The following TSPAN8 variants were observed in gnomAD, a reference collection of about 807,000 sequenced individuals.
The protein encoded by TSPAN8 is tetraspanin-8.
TSPAN8 carries 21 observed loss-of-function variants against 32.8 expected under a neutral mutation model. That is an observed-to-expected ratio of 0.64 (90% CI 0.45 to 0.92). The LOEUF (loss-of-function observed/expected upper bound fraction) is 0.92. Ranked by LOEUF, TSPAN8 falls within the 40% of genes least tolerant of loss-of-function variation. The pLI, the probability that TSPAN8 is intolerant of heterozygous loss-of-function variation, is 0.00. For synonymous variants in TSPAN8, 95 were observed against 94.6 expected, an observed-to-expected ratio of 1.00 and a Z score of -0.03; for missense variants, 269 against 281.9, an observed-to-expected ratio of 0.95 and a Z score of 0.33.
chr12:71,130,886 A>G (rs1427692185), intron 7 of TSPAN8, among the ~76,000 whole-genome samples: 1 of 152,230 alleles, frequency 6.6e-6, no homozygotes, highest in Non-Finnish European at 1.5e-5. Context: ...TTTTTATTTT[A>G]CCAGACTTCT....
chr12:71,127,475 CAG>C (rs748519809), intron 8 of TSPAN8, among the ~76,000 whole-genome samples: 3 of 152,084 alleles, frequency 2.0e-5, no homozygotes, highest in Admixed American at 6.6e-5. Flanking sequence ...ACCATATCTG[CAG>C]AGAGTCTAGA....
chr12:71,155,087 TG>T (rs1249328373), intron 2 of TSPAN8, among the ~76,000 whole-genome samples: 2 of 152,052 alleles, frequency 1.3e-5, no homozygotes, highest in African/African-American at 2.4e-5. Context: ...AAGTAAAGAG[TG>T]AGAAAGAAGT....
chr12:71,152,034 G>A (rs1375230454), intron 2 of TSPAN8, among the ~76,000 whole-genome samples: 3 of 152,186 alleles, frequency 2.0e-5, no homozygotes, highest in African/African-American at 4.8e-5. Flanking sequence ...AAGCAATTAC[G>A]ATGTTTGGAA....
intron 8 of TSPAN8, 108 bp from the exon 9 acceptor site, chr12:71,125,495 G>T: frequency 1.1e-6 from 1 of 896,830 alleles, no homozygotes; most frequent in Non-Finnish European, 1.7e-6. Flanking sequence ...TATATTGACA[G>T]TTCCAATCTT....
chr12:71,130,803 G>A (rs571909509), intron 7 of TSPAN8, among the ~76,000 whole-genome samples: 2 of 152,002 alleles, frequency 1.3e-5, no homozygotes, highest in South Asian at 2.1e-4. Flanking sequence ...CTTCCTCTTT[G>A]CCTAAGATAA....
At chr12:71,138,293 C>T in intron 4 of TSPAN8, 63 bp from the exon 5 acceptor site, 1 of 1,432,082 alleles carries the variant, frequency 7.0e-7, no homozygotes. Flanking sequence ...TGGGGACATT[C>T]TGGCACAGCA....
chr12:71,140,033 A>G (rs1197341132), intron 3 of TSPAN8, among the ~76,000 whole-genome samples, 185 bp from the exon 4 acceptor site: 3 of 80,520 alleles, frequency 3.7e-5, no homozygotes, highest in Non-Finnish European at 8.1e-5. Flanking sequence ...TGAAGTGCTT[A>G]TATTTTTCTA....
chr12:71,150,260 T>C lies in TSPAN8; in HGVS notation c.61-6047A>G, dbSNP rs1228713261. Among the ~76,000 whole-genome samples the C allele has an allele frequency of 2.0e-5, 3 of 152,240 alleles. No homozygotes were observed. The East Asian group carries it at 5.8e-4, about 29-fold the overall frequency. On this transcript the variant is annotated intron_variant, in intron 2 of 8. Transcript: ENST00000247829. The stretch of plus-strand genomic sequence containing the variant: ...GAACACAGACCCTTATCAGTAATTC[T>C]GCTTTTGCCCTTTGCCTTATGATCT...
At chr12:71,139,222 T>C in intron 4 of TSPAN8, 1 of 457,530 alleles carries the variant, frequency 2.2e-6, no homozygotes, top group East Asian at 6.9e-5. Context: ...GGCTTCTCAG[T>C]TCCCAAACAC....
intron 6 of TSPAN8, among the ~76,000 whole-genome samples, chr12:71,137,471 A>G (rs1192323223): frequency 6.6e-6 from 1 of 151,820 alleles, no homozygotes; most frequent in African/African-American, 2.4e-5. Context: ...GTGGTGGCGC[A>G]TGTCTGTAGT....
chr12:71,152,847 C>T (rs3794219), intron 2 of TSPAN8, among the ~76,000 whole-genome samples: 2 of 152,232 alleles, frequency 1.3e-5, no homozygotes, highest in East Asian at 3.9e-4. Flanking sequence ...TCTGCTTTGC[C>T]TCCAATCTTT....
intron 2 of TSPAN8, among the ~76,000 whole-genome samples, chr12:71,145,408 A>G (rs1232710866): frequency 6.6e-6 from 1 of 152,124 alleles, no homozygotes; most frequent in Non-Finnish European, 1.5e-5. Context: ...CCCTTACAAC[A>G]TACTTCAGCT....
At chr12:71,137,859 G>A (rs2270586) in intron 6 of TSPAN8, 94 bp downstream of exon 6, 440,716 of 1,155,638 alleles carry the variant, frequency 0.38, 87,163 homozygotes, top group Non-Finnish European at 0.42. Context: ...GCAAAATGGA[G>A]ACATTTTTCA....
intron 7 of TSPAN8, among the ~76,000 whole-genome samples, chr12:71,131,529 G>A (rs1341374407): frequency 6.6e-6 from 1 of 151,578 alleles, no homozygotes; most frequent in African/African-American, 2.4e-5. Flanking sequence ...TTTCTAGATT[G>A]AAAAGAATCT....
chr12:71,138,992 CATT>C (rs1266275950), intron 4 of TSPAN8, among the ~76,000 whole-genome samples: 1 of 81,904 alleles, frequency 1.2e-5, no homozygotes, highest in Non-Finnish European at 2.6e-5. Context: ...TTACTATATC[CATT>C]TTCTACTGTA....
chr12:71,131,653 A>T (rs2137047176), intron 7 of TSPAN8, among the ~76,000 whole-genome samples: 1 of 122,100 alleles, frequency 8.2e-6, no homozygotes, highest in South Asian at 2.8e-4. Flanking sequence ...GTCTGATCCT[A>T]GCAAGGGTCT....
chr12:71,137,709 G>A (rs1275054462), intron 6 of TSPAN8, among the ~76,000 whole-genome samples: 4 of 152,154 alleles, frequency 2.6e-5, no homozygotes, highest in African/African-American at 7.2e-5. Context: ...TGACTCATTC[G>A]AGGCTTAACC....
intron 2 of TSPAN8, among the ~76,000 whole-genome samples, chr12:71,151,572 G>A (rs1454728512): frequency 6.6e-6 from 1 of 152,124 alleles, no homozygotes; most frequent in Admixed American, 6.5e-5. Context: ...ATCAAAAAAT[G>A]ACACAAATTC....
At chr12:71,139,602 G>T in intron 4 of TSPAN8, 109 bp downstream of exon 4, 1 of 1,383,744 alleles carries the variant, frequency 7.2e-7, no homozygotes, top group Non-Finnish European at 9.8e-7. Context: ...AGAGAAGTTG[G>T]AGTTAGAGTT....
Sources: gnomAD v4.1 joint callset for allele counts (sites outside exome capture counted in the v4.1 genomes callset) on GRCh38, gnomAD v4.1.1 for gene constraint, MANE v1.5 for transcripts, NCBI Gene and HGNC (gene_info 2026-07-23, HGNC 2026-07-21) for gene names.